Variants in TATDN2 observed in about 807,000 individuals in gnomAD.
The protein encoded by TATDN2 is 3'-5' RNA nuclease TATDN2.
TATDN2 carries 44 observed loss-of-function variants against 60.3 expected under a neutral mutation model. The ratio of observed to expected loss-of-function variants is 0.73; its 90% CI spans 0.57 to 0.94. The LOEUF is 0.94. Among genes scored for constraint, TATDN2 ranks in the 40% least tolerant of loss-of-function variants. The probability of loss-of-function intolerance (pLI) is 0.00; values close to 1 mark genes in which losing one functional copy is unlikely to be tolerated. For synonymous variants in TATDN2, 399 were observed against 355.8 expected (o/e 1.12, Z -1.37); for missense variants, 997 against 948.0 (o/e 1.05, Z -0.68).
chr3:10,257,460 G>A (rs1285576156), intron 2 of TATDN2, among the ~76,000 whole-genome samples: 2 of 149,670 alleles, frequency 1.3e-5, no homozygotes. Flanking sequence ...GCGAAACCCC[G>A]TCTACTAAAA....
At chr3:10,272,746 TG>T (rs1376311231) in intron 4 of TATDN2, among the ~76,000 whole-genome samples, 2 of 150,100 alleles carry the variant, frequency 1.3e-5, no homozygotes, top group Non-Finnish European at 3.0e-5. Flanking sequence ...AAAAATTAGC[TG>T]GGTATAGCTG....
intron 3 of TATDN2, among the ~76,000 whole-genome samples, chr3:10,267,316 C>G (rs1698492621): frequency 2.0e-5 from 3 of 151,202 alleles, no homozygotes; most frequent in African/African-American, 7.3e-5. Context: ...CAACTTGACT[C>G]TAGAAACCTT....
At chr3:10,256,197 A>G (rs1387643179) in intron 2 of TATDN2, among the ~76,000 whole-genome samples, 2 of 151,972 alleles carry the variant, frequency 1.3e-5, no homozygotes, top group East Asian at 1.9e-4. Context: ...AGCGTCTCCA[A>G]AAGTTTGGAG....
At chr3:10,254,388 G>A (rs577258214) in intron 2 of TATDN2, among the ~76,000 whole-genome samples, 2 of 152,338 alleles carry the variant, frequency 1.3e-5, no homozygotes, top group Admixed American at 6.5e-5. Context: ...TGCCCAAAAT[G>A]TCAGGAAATG....
rs1698694304 is a variant in TATDN2 at position 10,279,455 on chromosome 3, G to A, written c.*273G>A. 1 of 176,500 alleles carries A rather than the reference G, an allele frequency of 5.7e-6. No homozygotes were observed. The highest frequency in any genetic ancestry group is 1.2e-5 in the Non-Finnish European group (1 of 82,790). The allele number at this position is 176,500 out of a possible 1,614,324, so 10.9% of individuals were successfully genotyped here. On this transcript the variant is annotated 3_prime_UTR_variant, in exon 8 of 8. Transcript: ENST00000448281. ...TGCCTCCCAGCCAAAATGCTCCAGG[G>A]TAGGCAGCAAAGAAGAAAGAGTGCG...
chr3:10,257,294 T>A (rs867336106), intron 2 of TATDN2, among the ~76,000 whole-genome samples: 1 of 133,544 alleles, frequency 7.5e-6, no homozygotes, highest in Non-Finnish European at 1.6e-5. Flanking sequence ...CAAAAAAAAA[T>A]TATATATATA....
chr3:10,264,577 C>T (rs1156637759), intron 3 of TATDN2, among the ~76,000 whole-genome samples: 1 of 151,996 alleles, frequency 6.6e-6, no homozygotes, highest in East Asian at 1.9e-4. Flanking sequence ...TTTTTCTGGA[C>T]CATCTATTTT....
intron 2 of TATDN2, among the ~76,000 whole-genome samples, chr3:10,255,052 A>T (rs1228260260): frequency 9.1e-6 from 1 of 109,738 alleles, no homozygotes. Flanking sequence ...CCTGTCTGTC[A>T]CCCAGGCTGA....
rs1698699375 is a variant in TATDN2, at chr3:10,279,678, G to A, written c.*496G>A. On this transcript the variant is annotated 3_prime_UTR_variant, in exon 8 of 8. Transcript: ENST00000448281. The stretch of plus-strand genomic sequence containing the variant: ...AATTAACTGGACACCTATCTCGGAG[G>A]TTTATTTTCTTGCAACCAGTGAAGT... 1 of 152,158 alleles carries A rather than the reference G, an allele frequency of 6.6e-6. No homozygotes were observed. The highest frequency in any genetic ancestry group is 2.1e-4 in the South Asian group (1 of 4,812). The allele number at this position is 152,158 out of a possible 1,614,324, so 9.4% of individuals were successfully genotyped here.
intron 2 of TATDN2, among the ~76,000 whole-genome samples, chr3:10,251,755 C>T (rs972644183): frequency 4.6e-5 from 7 of 152,014 alleles, no homozygotes; most frequent in African/African-American, 7.2e-5. Flanking sequence ...AGTGCAGTGG[C>T]GCAATCATGT....
intron 5 of TATDN2, among the ~76,000 whole-genome samples, chr3:10,276,693 A>C (rs964264488): frequency 6.6e-6 from 1 of 152,028 alleles, no homozygotes; most frequent in African/African-American, 2.4e-5. Context: ...GGTTCAAACA[A>C]TTCTCCTGCC....
chr3:10,252,820 G>A (rs1166114911), intron 2 of TATDN2, among the ~76,000 whole-genome samples: 1 of 149,982 alleles, frequency 6.7e-6, no homozygotes. Context: ...CTCCCAAGTA[G>A]GTGGAACTCA....
intron 4 of TATDN2, among the ~76,000 whole-genome samples, chr3:10,273,406 G>C (rs1042209441): frequency 2.6e-5 from 4 of 152,194 alleles, no homozygotes; most frequent in Non-Finnish European, 5.9e-5. Context: ...TAAAAGAGCA[G>C]TTAGCAAGTT....
rs570187205 is a variant in TATDN2, at chr3:10,254,215, G to A, written c.414+4601G>A. ...ACAGACTGAGAAGTCACTCACCACGGGGCAGTGAGTGGAGAGCTGTAACAG... is the reference window on the plus strand; with the variant it reads ...ACAGACTGAGAAGTCACTCACCACGAGGCAGTGAGTGGAGAGCTGTAACAG... On this transcript the variant is annotated intron_variant, in intron 2 of 7. Coordinates refer to ENST00000448281, the MANE Select transcript of TATDN2 (RefSeq NM_014760.4). 2.0e-4 allele frequency among the ~76,000 whole-genome samples: 30 copies of A among 152,314 alleles called. No individual in the cohort carries two copies. The South Asian group carries it at 4.8e-3, about 24-fold the overall frequency.
intron 3 of TATDN2, among the ~76,000 whole-genome samples, chr3:10,268,946 C>T (rs1163146964): frequency 6.6e-6 from 1 of 152,138 alleles, no homozygotes; most frequent in African/African-American, 2.4e-5. Context: ...TTCTTTTGCT[C>T]TCAGTACTGT....
intron 2 of TATDN2, among the ~76,000 whole-genome samples, chr3:10,258,199 AT>A (rs1698344484): frequency 6.6e-6 from 1 of 152,010 alleles, no homozygotes; most frequent in Non-Finnish European, 1.5e-5. Context: ...CAGGATAATG[AT>A]TAAAAAAAAA....
At position 10,270,161 on chromosome 3, in the gene TATDN2, C is replaced by T. The variant is rs1698537044; in HGVS notation, c.979C>T (p.Pro327Ser). 1.9e-6 allele frequency: 3 copies of T among 1,613,696 alleles called. No homozygotes were observed. The highest frequency in any genetic ancestry group is 2.5e-6 in the Non-Finnish European group (3 of 1,179,798). ...HKDREVVMEHPSSGSDWSDVE... is the reference protein window; with the variant it reads ...HKDREVVMEHSSSGSDWSDVE... The stretch of plus-strand genomic sequence containing the variant: ...AGATAGGGAGGTGGTGATGGAGCAC[C>T]CCTCTTCTGGAAGTGACTGGTCTGA... The change falls in exon 4 of 8, where the codon CCC (proline) becomes TCC (serine). Residue 327 changes from proline (P) to serine (S), a missense_variant. Physicochemically the swap from Pro to Ser is moderately conservative, Grantham distance 74 (BLOSUM62 -1). Transcript: ENST00000448281.
intron 5 of TATDN2, among the ~76,000 whole-genome samples, chr3:10,277,817 T>C (rs1028968935): frequency 4.6e-5 from 7 of 152,220 alleles, no homozygotes; most frequent in African/African-American, 1.2e-4. Flanking sequence ...ACTATATATA[T>C]GGCACCAAGA....
chr3:10,274,175 A>C (rs1045967906), intron 4 of TATDN2, among the ~76,000 whole-genome samples: 1 of 152,160 alleles, frequency 6.6e-6, no homozygotes, highest in Non-Finnish European at 1.5e-5. Flanking sequence ...AAATGCTGCA[A>C]ATAGCTCCTG....
Sources: allele counts gnomAD v4.1 joint callset (sites outside exome capture counted in the v4.1 genomes callset), GRCh38; gene constraint gnomAD v4.1.1; transcripts MANE v1.5; gene names NCBI Gene and HGNC (gene_info 2026-07-23, HGNC 2026-07-21).